The following KCNIP4 variants were observed in gnomAD, a reference collection of about 807,000 sequenced individuals.
KCNIP4 encodes the protein Kv channel-interacting protein 4.
KCNIP4 carries 12 observed loss-of-function variants against 34.0 expected under a neutral mutation model. The observed-to-expected ratio is 0.35, with a 90% CI of 0.23 to 0.57. The LOEUF is 0.57. KCNIP4 is among the 20% of genes least tolerant of loss of function. KCNIP4 has a pLI of 0.83. For synonymous variants in KCNIP4, 124 were observed against 102.2 expected, an observed-to-expected ratio of 1.21 and a Z score of -1.29; for missense variants, 238 against 311.7, an observed-to-expected ratio of 0.76 and a Z score of 1.78.
intron 1 of KCNIP4, among the ~76,000 whole-genome samples, chr4:21,518,767 T>C (rs12643527): frequency 0.14 from 21,876 of 152,034 alleles, 2,155 homozygotes; most frequent in East Asian, 0.3. Context: ...GTAGACCACA[T>C]AGGATGTGGC....
At chr4:21,135,058 C>T (rs1278179985) in intron 1 of KCNIP4, among the ~76,000 whole-genome samples, 2 of 152,172 alleles carry the variant, frequency 1.3e-5, no homozygotes, top group African/African-American at 2.4e-5. Flanking sequence ...AGGTAAACTC[C>T]GAGATCTTTT....
In KCNIP4 at chr4:21,297,962, T is replaced by G. The variant is rs1293895556; in HGVS notation, c.62-415253A>C. On this transcript the variant is annotated intron_variant, in intron 1 of 8. Coordinates refer to ENST00000382152, the MANE Select transcript of KCNIP4 (RefSeq NM_025221.6). The stretch of plus-strand genomic sequence containing the variant: ...TTGTGCAGTCACAATGAATGCCTTT[T>G]GGATTGGCGCTACAATAAAGATATT... Among the ~76,000 whole-genome samples, 6 of 152,160 alleles carry G rather than the reference T, an allele frequency of 3.9e-5. No homozygotes were observed. In the East Asian group the frequency reaches 1.2e-3, roughly 29 times the overall value.
At chr4:21,653,312 C>A (rs1747661249) in intron 1 of KCNIP4, among the ~76,000 whole-genome samples, 2 of 152,164 alleles carry the variant, frequency 1.3e-5, no homozygotes, top group South Asian at 4.1e-4. Flanking sequence ...CATCTTCAGG[C>A]ATCAGCTTTC....
chr4:21,859,445 A>G (rs1050511737), intron 1 of KCNIP4, among the ~76,000 whole-genome samples: 1 of 89,526 alleles, frequency 1.1e-5, no homozygotes, highest in African/African-American at 6.2e-5. Flanking sequence ...CGTCTCTACT[A>G]AAAATACAAA....
chr4:21,042,389 A>G (rs957835685), intron 1 of KCNIP4, among the ~76,000 whole-genome samples: 1 of 152,232 alleles, frequency 6.6e-6, no homozygotes, highest in African/African-American at 2.4e-5. Flanking sequence ...TTGTGACAAC[A>G]TGGATAAGCC....
At chr4:21,943,936 C>A (rs1578169427) in intron 1 of KCNIP4, among the ~76,000 whole-genome samples, 2 of 147,566 alleles carry the variant, frequency 1.4e-5, no homozygotes, top group Non-Finnish European at 3.0e-5. Flanking sequence ...ATGAGAATAC[C>A]ATAGAGAAGG....
intron 1 of KCNIP4, among the ~76,000 whole-genome samples, chr4:20,899,024 T>C (rs891529940): frequency 1.3e-5 from 2 of 152,204 alleles, no homozygotes. Context: ...GCAAAAAAGA[T>C]TTTTGTACAT....
intron 1 of KCNIP4, among the ~76,000 whole-genome samples, chr4:21,287,928 A>G (rs1486138604): frequency 6.6e-5 from 10 of 152,248 alleles, no homozygotes; most frequent in Non-Finnish European, 1.3e-4. Context: ...TAAAAGTAAT[A>G]TTAATTTTAA....
intron 1 of KCNIP4, among the ~76,000 whole-genome samples, chr4:21,573,498 G>A (rs887915635): frequency 8.6e-5 from 13 of 151,874 alleles, no homozygotes; most frequent in Middle Eastern, 3.4e-3. Flanking sequence ...TTCTGTTCTC[G>A]TTCCTTGGGA....
intron 1 of KCNIP4, among the ~76,000 whole-genome samples, chr4:21,658,377 G>C (rs1177528385): frequency 6.6e-6 from 1 of 152,072 alleles, no homozygotes; most frequent in Non-Finnish European, 1.5e-5. Flanking sequence ...CCTGTGAAGA[G>C]AACATCACAT....
chr4:21,676,951 T>C (rs952915963), intron 1 of KCNIP4, among the ~76,000 whole-genome samples: 3 of 151,094 alleles, frequency 2.0e-5, no homozygotes, highest in African/African-American at 7.3e-5. Context: ...AGATTGTCTT[T>C]TTCATCCATC....
At chr4:21,610,900 C>T (rs571638970) in intron 1 of KCNIP4, among the ~76,000 whole-genome samples, 5 of 151,986 alleles carry the variant, frequency 3.3e-5, no homozygotes, top group East Asian at 3.9e-4. Flanking sequence ...ATATGTGCCA[C>T]GGTGATTTGC....
In KCNIP4 at chr4:21,597,288, T is replaced by C. The variant is rs140540479; in HGVS notation, c.61+351283A>G. The stretch of plus-strand genomic sequence containing the variant: ...CTTTCACTTGGTTCTCTTTTCTCTC[T>C]TGTCTGCCGCGATGTAAGACGTGCT... On this transcript the variant is annotated intron_variant, in intron 1 of 8. Coordinates refer to ENST00000382152, the MANE Select transcript of KCNIP4 (RefSeq NM_025221.6). Among the ~76,000 whole-genome samples the C allele has an allele frequency of 8.1e-4, 123 of 152,206 alleles. 1 individual carries two copies. The highest frequency in any genetic ancestry group is 3.4e-3 in the Middle Eastern group (1 of 294).
chr4:20,764,530 G>A (rs186670123), intron 3 of KCNIP4, among the ~76,000 whole-genome samples: 94 of 152,024 alleles, frequency 6.2e-4, no homozygotes, highest in African/African-American at 2.0e-3. Context: ...AAGGAGAATC[G>A]TAAGACCAAC....
intron 1 of KCNIP4, among the ~76,000 whole-genome samples, chr4:21,723,141 C>T (rs888640633): frequency 2.0e-5 from 3 of 151,946 alleles, no homozygotes; most frequent in African/African-American, 7.2e-5. Flanking sequence ...TCATTTTCTC[C>T]AAGATATGAT....
chr4:21,875,199 G>A (rs1011878705), intron 1 of KCNIP4, among the ~76,000 whole-genome samples: 6 of 152,118 alleles, frequency 3.9e-5, no homozygotes, highest in African/African-American at 1.4e-4. Flanking sequence ...GCAGACTTGG[G>A]TCTGTCTGAT....
chr4:21,822,400 T>C (rs187436787), intron 1 of KCNIP4, among the ~76,000 whole-genome samples: 1 of 152,238 alleles, frequency 6.6e-6, no homozygotes, highest in African/African-American at 2.4e-5. Flanking sequence ...CTCAACCCAA[T>C]AATCCAACAA....
At chr4:21,411,049 T>A (rs779910697) in intron 1 of KCNIP4, among the ~76,000 whole-genome samples, 2 of 152,174 alleles carry the variant, frequency 1.3e-5, no homozygotes. Flanking sequence ...AGCCTATAAA[T>A]GCCAGGAATT....
intron 1 of KCNIP4, among the ~76,000 whole-genome samples, chr4:20,949,058 G>A (rs945881153): frequency 5.9e-5 from 9 of 152,192 alleles, no homozygotes; most frequent in South Asian, 2.1e-4. Context: ...GCAAGTGGCC[G>A]TGATTTTTTG....
Sources: gnomAD v4.1 joint callset for allele counts (sites outside exome capture counted in the v4.1 genomes callset) on GRCh38, gnomAD v4.1.1 for gene constraint, MANE v1.5 for transcripts, NCBI Gene and HGNC (gene_info 2026-07-23, HGNC 2026-07-21) for gene names.